Variants in FAT3 observed in about 807,000 individuals in gnomAD.
FAT3 encodes FAT atypical cadherin 3, also known as protocadherin Fat 3.
FAT3 carries 95 observed loss-of-function variants against 310.2 expected under a neutral mutation model. That is an observed-to-expected ratio of 0.31 (90% CI 0.26 to 0.36). FAT3 has a LOEUF of 0.36. Among genes scored for constraint, FAT3 ranks in the 10% least tolerant of loss-of-function variants. The probability of loss-of-function intolerance (pLI) is 1.00; values close to 1 mark genes in which losing one functional copy is unlikely to be tolerated. For synonymous variants in FAT3, 2,314 were observed against 2,192.9 expected (o/e 1.06, Z -1.54); for missense variants, 5,408 against 5,715.6 (o/e 0.95, Z 1.74).
intron 2 of FAT3, among the ~76,000 whole-genome samples, chr11:92,434,116 A>G (rs1950871425): frequency 6.6e-6 from 1 of 152,006 alleles, no homozygotes; most frequent in Non-Finnish European, 1.5e-5. Context: ...TAATGGATTA[A>G]CTATGGCTTA....
chr11:92,884,073 TTTGCCTC>T (rs146172445), intron 24 of FAT3, among the ~76,000 whole-genome samples: 78,024 of 151,226 alleles, frequency 0.52, 20,344 homozygotes, highest in Middle Eastern at 0.57. Flanking sequence ...GATGGAGGTG[TTTGCCTC>T]TTCACTTGGC....
At chr11:92,359,765 T>C (rs983628139) in intron 2 of FAT3, among the ~76,000 whole-genome samples, 3 of 143,644 alleles carry the variant, frequency 2.1e-5, no homozygotes, top group Admixed American at 1.4e-4. Flanking sequence ...TTACTGAGAA[T>C]GATGATTTCC....
At chr11:92,247,979 C>CA (rs1413777564) in intron 1 of FAT3, among the ~76,000 whole-genome samples, 5 of 151,406 alleles carry the variant, frequency 3.3e-5, no homozygotes, top group South Asian at 4.2e-4. Flanking sequence ...GACCCTGTCT[C>CA]AAAAAAAGCA....
At chr11:92,367,315 G>C (rs1949051617) in intron 2 of FAT3, 1 of 204,120 alleles carries the variant, frequency 4.9e-6, no homozygotes, top group South Asian at 9.4e-5. Flanking sequence ...GGTAGTAGAG[G>C]CTGGGCATGG....
rs1290228232 is a variant in FAT3 at position 92,719,764 on chromosome 11, G to A, written c.3669+22319G>A. On this transcript the variant is annotated intron_variant, in intron 4 of 27. Coordinates refer to ENST00000525166, the MANE Select transcript of FAT3 (RefSeq NM_001367949.2). ...TGTGTGTGTGTGTGTGTGTGTGTGT[G>A]TGTGTGTATAATTTTCTGTAAATCT... Among the ~76,000 whole-genome samples the A allele has an allele frequency of 2.0e-5, 3 of 147,044 alleles. No homozygotes were observed. In the East Asian group the frequency reaches 5.8e-4, roughly 29 times the overall value.
intron 12 of FAT3, among the ~76,000 whole-genome samples, chr11:92,806,937 G>A (rs528143932): frequency 1.3e-3 from 197 of 152,200 alleles, no homozygotes; most frequent in African/African-American, 4.6e-3. Context: ...AATGTGGGGA[G>A]GTGACGGATT....
intron 3 of FAT3, among the ~76,000 whole-genome samples, chr11:92,670,575 T>C (rs1943096273): frequency 6.6e-6 from 1 of 152,224 alleles, no homozygotes; most frequent in African/African-American, 2.4e-5. Flanking sequence ...AGGTATCCTT[T>C]TGAGCCAGCT....
chr11:92,736,928 CAG>C (rs1311158053), intron 4 of FAT3, among the ~76,000 whole-genome samples: 1 of 152,096 alleles, frequency 6.6e-6, no homozygotes, highest in Non-Finnish European at 1.5e-5. Flanking sequence ...AAGCTGGAAC[CAG>C]AGTCTGATTA....
At position 92,476,339 on chromosome 11, in the gene FAT3, T is replaced by A. The variant is rs78833388; in HGVS notation, c.3293-48295T>A. 1.4e-3 allele frequency among the ~76,000 whole-genome samples: 211 copies of A among 152,332 alleles called. 1 individual carries two copies. The highest frequency in any genetic ancestry group is 4.9e-3 in the African/African-American group (202 of 41,580). On this transcript the variant is annotated intron_variant, in intron 2 of 27. Coordinates refer to ENST00000525166, the MANE Select transcript of FAT3 (RefSeq NM_001367949.2). ...TATAACCTAGTTTCAAAACCATTTATATAAGCCATCTAAGTACATTTGGGT... is the reference window on the plus strand; with the variant it reads ...TATAACCTAGTTTCAAAACCATTTAAATAAGCCATCTAAGTACATTTGGGT...
At chr11:92,429,553 G>A (rs1415621148) in intron 2 of FAT3, among the ~76,000 whole-genome samples, 2 of 152,080 alleles carry the variant, frequency 1.3e-5, no homozygotes, top group Non-Finnish European at 2.9e-5. Flanking sequence ...CTGCCTTCAG[G>A]AGCTCTTGTA....
intron 2 of FAT3, among the ~76,000 whole-genome samples, chr11:92,477,609 CTTAT>C (rs1240598182): frequency 1.3e-5 from 2 of 152,138 alleles, no homozygotes; most frequent in African/African-American, 4.8e-5. Flanking sequence ...TGCTAGTGTA[CTTAT>C]TTATTTTACT....
intron 21 of FAT3, among the ~76,000 whole-genome samples, chr11:92,863,289 A>G (rs1048810487): frequency 1.3e-5 from 2 of 152,324 alleles, no homozygotes; most frequent in South Asian, 4.1e-4. Flanking sequence ...TTCAAAGAAT[A>G]TTGAATAATC....
At chr11:92,534,864 C>T (rs577346443) in intron 3 of FAT3, among the ~76,000 whole-genome samples, 29 of 152,214 alleles carry the variant, frequency 1.9e-4, no homozygotes, top group African/African-American at 7.0e-4. Flanking sequence ...AAATGAAAAC[C>T]CAAAGCCAAG....
At chr11:92,361,338 G>T (rs1053630346) in intron 2 of FAT3, among the ~76,000 whole-genome samples, 1 of 152,158 alleles carries the variant, frequency 6.6e-6, no homozygotes, top group African/African-American at 2.4e-5. Context: ...AATATTCCTT[G>T]TTATGTCCTA....
intron 1 of FAT3, among the ~76,000 whole-genome samples, chr11:92,330,782 T>A (rs561345505): frequency 6.6e-6 from 1 of 152,340 alleles, no homozygotes; most frequent in Admixed American, 6.5e-5. Flanking sequence ...CTACAAAATG[T>A]GTAATTGTTT....
rs142706422 is a variant in FAT3, at chr11:92,270,705, T to C, written c.-18+45531T>C. 5.8e-3 allele frequency among the ~76,000 whole-genome samples: 882 copies of C among 151,912 alleles called. 11 individuals are homozygous for C. Among genetic ancestry groups the C allele is most frequent in the African/African-American group, 0.021 (859 of 41,432 alleles). On this transcript the variant is annotated intron_variant, in intron 1 of 27. Coordinates refer to ENST00000525166, the MANE Select transcript of FAT3 (RefSeq NM_001367949.2). ...TCACCTCAATAAATAAATAAATAAA[T>C]AAATATTATATATTGGCTATTCTTA...
rs541800294 is a variant in FAT3 at position 92,790,139 on chromosome 11, T to C, written c.4532T>C (p.Ile1511Thr). 3 of 1,613,760 alleles carry C rather than the reference T, an allele frequency of 1.9e-6. No homozygotes were observed. The highest frequency in any genetic ancestry group is 2.2e-5 in the South Asian group (2 of 91,082). Residue 1511 changes from isoleucine to threonine, a missense_variant, in exon 8 of 28, where the codon ATT becomes ACT. Transcript: ENST00000525166. ...IDSISMRKFR[I>T]DPSTGVLYTA... ...TCCATCAGCATGAGAAAATTCCGGATTGACCCTAGCACTGGCGTGCTCTAT... is the reference window on the plus strand; with the variant it reads ...TCCATCAGCATGAGAAAATTCCGGACTGACCCTAGCACTGGCGTGCTCTAT...
At chr11:92,526,714 T>C (rs1953879323) in intron 3 of FAT3, among the ~76,000 whole-genome samples, 1 of 152,176 alleles carries the variant, frequency 6.6e-6, no homozygotes, top group Admixed American at 6.5e-5. Flanking sequence ...GAAAGCCCTG[T>C]TTTATCACTA....
Position 92,355,245 on chromosome 11 carries a change from G to A in FAT3, c.3133G>A (p.Asp1045Asn). 6.2e-7 allele frequency: 1 copy of A among 1,613,804 alleles called. No individual in the cohort carries two copies. Among genetic ancestry groups the A allele is most frequent in the Non-Finnish European group, 8.5e-7 (1 of 1,179,860 alleles). ...NENLHTPYFPDFAVVGSVKEN... is the reference protein window; with the variant it reads ...NENLHTPYFPNFAVVGSVKEN... ...AAACCTCCACACTCCCTATTTCCCAGACTTTGCTGTTGTTGGATCTGTAAA... is the reference window on the plus strand; with the variant it reads ...AAACCTCCACACTCCCTATTTCCCAAACTTTGCTGTTGTTGGATCTGTAAA... Residue 1045 changes from aspartate (D) to asparagine (N), a missense_variant, in exon 2 of 28, where the codon GAC (aspartate) becomes AAC (asparagine). By Grantham distance (23) the Asp-to-Asn change is conservative. Around this residue, in one of 5 missense-constraint regions of FAT3, gnomAD observed 4,588 missense variants for 4,809.8 expected, o/e 0.95. Coordinates refer to ENST00000525166, the MANE Select transcript of FAT3 (RefSeq NM_001367949.2).
Sources: allele counts gnomAD v4.1 joint callset (sites outside exome capture counted in the v4.1 genomes callset), GRCh38; gene constraint gnomAD v4.1.1; regional missense constraint gnomAD v4.1.1; transcripts MANE v1.5; gene names NCBI Gene and HGNC (gene_info 2026-07-23, HGNC 2026-07-21).